The following ELP1 variants were observed in gnomAD, a reference collection of about 807,000 sequenced individuals.
ELP1 encodes the protein elongator acetyltransferase complex subunit 1.
In ELP1, 131 loss-of-function variants were observed where a neutral mutation model predicts 183.2. The ratio of observed to expected loss-of-function variants is 0.72; its 90% CI spans 0.62 to 0.83. ELP1 has a LOEUF of 0.83. Ranked by LOEUF, ELP1 falls within the 40% of genes least tolerant of loss-of-function variation. The probability of loss-of-function intolerance (pLI) is 0.00; values close to 1 mark genes in which losing one functional copy is unlikely to be tolerated. For synonymous variants in ELP1, 555 were observed against 569.0 expected, an observed-to-expected ratio of 0.98 and a Z score of 0.35; for missense variants, 1,550 against 1,594.9, an observed-to-expected ratio of 0.97 and a Z score of 0.48.
At chr9:108,906,591 T>A in intron 13 of ELP1, 106 bp from the exon 14 acceptor site, 2 of 873,096 alleles carry the variant, frequency 2.3e-6, no homozygotes, top group Non-Finnish European at 3.7e-6. Context: ...AGTCCACTCC[T>A]AATTATTTGG....
intron 36 of ELP1, 71 bp from the exon 37 acceptor site, chr9:108,869,253 A>C: frequency 8.3e-7 from 1 of 1,208,876 alleles, no homozygotes; most frequent in Non-Finnish European, 1.2e-6. Flanking sequence ...CAGTAACTCT[A>C]AACTAAACAA....
chr9:108,879,740 C>T (rs754556922), intron 32 of ELP1, among the ~76,000 whole-genome samples, 183 bp from the exon 33 acceptor site: 6 of 152,186 alleles, frequency 3.9e-5, no homozygotes, highest in Non-Finnish European at 8.8e-5. Flanking sequence ...TAATGTAAAT[C>T]AGTAGTTTCC....
chr9:108,872,589 G>A (rs1827500929), intron 36 of ELP1, among the ~76,000 whole-genome samples: 1 of 151,812 alleles, frequency 6.6e-6, no homozygotes, highest in Admixed American at 6.6e-5. Context: ...TGGATCACGA[G>A]GTCAGGAGAT....
rs1377438174 is a variant in ELP1, at chr9:108,917,568, G to A, written c.843C>T (p.Pro281=). The change falls in exon 9 of 37, where the codon CCC becomes CCT. Residue 281 remains proline, a synonymous_variant. Transcript: ENST00000374647. ...TTACCTTAACCTCATCTTTAAGGAAGGGAAGTGTAAAGTGTCCATGAAGGA... is the reference window on the plus strand; with the variant it reads ...TTACCTTAACCTCATCTTTAAGGAAAGGAAGTGTAAAGTGTCCATGAAGGA... ...NGLLHGHFTL[P]FLKDEVKVND... The A allele has an allele frequency of 1.9e-6, 3 of 1,613,800 alleles. No individual in the cohort carries two copies. Among genetic ancestry groups the A allele is most frequent in the African/African-American group, 2.7e-5 (2 of 74,856 alleles).
intron 4 of ELP1, 56 bp downstream of exon 4, chr9:108,927,316 A>G: frequency 1.4e-6 from 2 of 1,401,392 alleles, no homozygotes; most frequent in Non-Finnish European, 2.0e-6. Context: ...TGAAGCCTGT[A>G]AGACATCTGG....
At chr9:108,922,497 T>C (rs1829680840) in intron 6 of ELP1, among the ~76,000 whole-genome samples, 1 of 152,168 alleles carries the variant, frequency 6.6e-6, no homozygotes, top group African/African-American at 2.4e-5. Context: ...AACATGCATG[T>C]GAATGAAGGA....
chr9:108,877,702 C>T (rs1254867588), intron 35 of ELP1, among the ~76,000 whole-genome samples: 1 of 152,170 alleles, frequency 6.6e-6, no homozygotes, highest in African/African-American at 2.4e-5. Context: ...CATCTCTCCC[C>T]ACTCCAACCT....
At position 108,868,556 on chromosome 9, in the gene ELP1, G is replaced by C. The variant is rs1368774153; in HGVS notation, c.*559C>G. 1 of 433,968 alleles carries C rather than the reference G, an allele frequency of 2.3e-6. No homozygotes were observed. The highest frequency in any genetic ancestry group is 2.0e-5 in the African/African-American group (1 of 49,210). The allele number at this position is 433,968 out of a possible 1,614,324, so 26.9% of individuals were successfully genotyped here. A position where few individuals can be genotyped will look rare whatever the true frequency, so the allele number is the denominator to read the frequency against. On this transcript the variant is annotated 3_prime_UTR_variant, in exon 37 of 37. Transcript: ENST00000374647. ...CCCTATAGACATTGTAATTATAGGA[G>C]GCTCAGCCCAGTTATAACTGAAAGC... is the stretch of plus-strand genomic sequence containing the variant.
chr9:108,899,809 C>T lies in ELP1; in HGVS notation c.2204+13G>A, dbSNP rs56197571. 3 of 1,608,066 alleles carry T rather than the reference C, an allele frequency of 1.9e-6. No individual in the cohort carries two copies. In the East Asian group the frequency reaches 6.7e-5, roughly 36 times the overall value. ...ACAAGCTAACTAGTCGCAAACAGTA[C>T]AATGGCACTTACTTGTCCAACCACT... On this transcript the variant is annotated intron_variant, in intron 20 of 36. Coordinates refer to ENST00000374647, the MANE Select transcript of ELP1 (RefSeq NM_003640.5).
Position 108,878,058 on chromosome 9 carries a change from C to A in ELP1, c.3792G>T (p.Gln1264His). ...TTTCTGGAAGTGACCTTTCCATCAA[C>A]TGCAGCGTATCTTCAAAGGCCTTCT... The part of the protein sequence containing the change: ...ELQKAFEDTL[Q>H]LMERSLPEIW... Residue 1264 changes from glutamine (Q) to histidine (H), a missense_variant, in exon 35 of 37, where the codon CAG becomes CAT. Coordinates refer to ENST00000374647, the MANE Select transcript of ELP1 (RefSeq NM_003640.5). The A allele has an allele frequency of 6.2e-7, 1 of 1,614,136 alleles. No homozygotes were observed. The highest frequency in any genetic ancestry group is 8.5e-7 in the Non-Finnish European group (1 of 1,179,968).
intron 26 of ELP1, 38 bp downstream of exon 26, chr9:108,893,905 T>G (rs775586976): frequency 6.2e-7 from 1 of 1,611,290 alleles, no homozygotes; most frequent in South Asian, 1.1e-5. Context: ...CCAAAGAAGA[T>G]CTGAAGTAGA....
At chr9:108,918,192 G>C (rs1564101616) in intron 8 of ELP1, among the ~76,000 whole-genome samples, 1 of 152,104 alleles carries the variant, frequency 6.6e-6, no homozygotes, top group Admixed American at 6.5e-5. Context: ...TTCAGATACT[G>C]GTGGGAAACA....
intron 20 of ELP1, 131 bp from the exon 21 acceptor site, chr9:108,898,880 G>A (rs1828660485): frequency 1.5e-6 from 1 of 673,700 alleles, no homozygotes; most frequent in East Asian, 2.6e-5. Flanking sequence ...GCTATCACTG[G>A]ATTTCTACTC....
chr9:108,915,834 G>T (rs1478640080), intron 10 of ELP1, among the ~76,000 whole-genome samples: 2 of 151,628 alleles, frequency 1.3e-5, no homozygotes, highest in Admixed American at 6.6e-5. Context: ...CAAAAATATG[G>T]TACTTGAGGA....
rs190225112 is a variant in ELP1, at chr9:108,905,118, C to T, written c.1643+1185G>A. ...CATATTCTGCATTTAGACATGTTAA[C>T]AAAAGGCTTTTTCAAAATATCACGA... On this transcript the variant is annotated intron_variant, in intron 14 of 36. Coordinates refer to ENST00000374647, the MANE Select transcript of ELP1 (RefSeq NM_003640.5). Among the ~76,000 whole-genome samples the T allele has an allele frequency of 3.3e-5, 5 of 152,216 alleles. No homozygotes were observed. The East Asian group carries it at 9.6e-4, about 29-fold the overall frequency.
In ELP1 at chr9:108,906,463, C is replaced by A; in HGVS notation, c.1483G>T (p.Asp495Tyr). 6.2e-7 allele frequency: 1 copy of A among 1,613,762 alleles called. No homozygotes were observed. Among genetic ancestry groups the A allele is most frequent in the Non-Finnish European group, 8.5e-7 (1 of 1,179,670 alleles). ...AGTTTCAGCGGGTTTACATCTTGATCTTCATTATTCTCAAACTGGATTCTA... is the reference window on the plus strand; with the variant it reads ...AGTTTCAGCGGGTTTACATCTTGATATTCATTATTCTCAAACTGGATTCTA... ...RYKIQFENNE[D>Y]QDVNPLKLGL... The change falls in exon 14 of 37, where the codon GAT becomes TAT. Residue 495 changes from aspartate (D) to tyrosine (Y), a missense_variant. Physicochemically the swap from Asp to Tyr is radical, Grantham distance 160. Coordinates refer to ENST00000374647, the MANE Select transcript of ELP1 (RefSeq NM_003640.5).
At chr9:108,875,042 A>C in intron 35 of ELP1, 72 bp from the exon 36 acceptor site, 2 of 980,878 alleles carry the variant, frequency 2.0e-6, no homozygotes, top group Non-Finnish European at 1.7e-6. Flanking sequence ...CAAAGGCCAA[A>C]TCCCTACCCC....
rs145319352 is a variant in ELP1 at position 108,874,957 on chromosome 9, T to C, written c.3869A>G (p.Asn1290Ser). Residue 1290 changes from asparagine to serine, a missense_variant, in exon 36 of 37, where the codon AAT (asparagine) becomes AGT (serine). Physicochemically the swap from Asn to Ser is conservative, Grantham distance 46. Coordinates refer to ENST00000374647, the MANE Select transcript of ELP1 (RefSeq NM_003640.5). Reference sequence around the variant, plus strand: ...TGCCATGATACTATTTGCAGTAGAATTGGGACCTAGAACCTGAGGAGAAAA... The same window carrying C: ...TGCCATGATACTATTTGCAGTAGAACTGGGACCTAGAACCTGAGGAGAAAA... ...QNSATPVLGP[N>S]STANSIMASY... 224 of 1,611,022 alleles carry C rather than the reference T, an allele frequency of 1.4e-4. No homozygotes were observed. In the African/African-American group the frequency reaches 2.5e-3, roughly 18 times the overall value.
chr9:108,890,796 C>A (rs371406077), intron 28 of ELP1, among the ~76,000 whole-genome samples: 1 of 152,146 alleles, frequency 6.6e-6, no homozygotes, highest in Non-Finnish European at 1.5e-5. Flanking sequence ...ATGGCGTGGC[C>A]GAGATGGAAT....
Sources: allele counts gnomAD v4.1 joint callset (sites outside exome capture counted in the v4.1 genomes callset), GRCh38; gene constraint gnomAD v4.1.1; transcripts MANE v1.5; gene names NCBI Gene and HGNC (gene_info 2026-07-23, HGNC 2026-07-21).